Variants in LCOR observed in about 807,000 individuals in gnomAD.
LCOR encodes the protein ligand-dependent corepressor.
LCOR carries 14 observed loss-of-function variants against 64.4 expected under a neutral mutation model. That is an observed-to-expected ratio of 0.22 (90% CI 0.14 to 0.34). The LOEUF (loss-of-function observed/expected upper bound fraction) is 0.34, where lower values mean the gene tolerates loss of function less well. LCOR is among the 10% of genes least tolerant of loss of function. LCOR has a pLI of 1.00. For synonymous variants in LCOR, 643 were observed against 642.5 expected (o/e 1.00, Z -0.01); for missense variants, 1,686 against 1,765.3 (o/e 0.96, Z 0.80).
chr10:96,887,888 C>T (rs1846371379), intron 2 of LCOR, among the ~76,000 whole-genome samples: 1 of 149,828 alleles, frequency 6.7e-6, no homozygotes, highest in South Asian at 2.2e-4. Flanking sequence ...ACCATGTTGG[C>T]CAGGCTGGTC....
At position 96,979,492 on chromosome 10, in the gene LCOR, G is replaced by A. The variant is rs191803856; in HGVS notation, c.333-1301G>A. ...CTTTCACACAGTCCCCACTGTCTGC[G>A]CTAAGCTCTAAGGATTTGTCCTGGG... On this transcript the variant is annotated intron_variant, in intron 7 of 7. Coordinates refer to ENST00000421806, the MANE Select transcript of LCOR (RefSeq NM_001346516.2). Among the ~76,000 whole-genome samples the A allele has an allele frequency of 2.2e-4, 33 of 152,274 alleles. No individual in the cohort carries two copies. In the East Asian group the frequency reaches 5.6e-3, roughly 26 times the overall value.
chr10:96,919,306 A>G (rs1401303118), intron 4 of LCOR, among the ~76,000 whole-genome samples: 4 of 152,112 alleles, frequency 2.6e-5, no homozygotes. Context: ...CTTTCTGCCC[A>G]TGAGTGTAGG....
intron 2 of LCOR, among the ~76,000 whole-genome samples, chr10:96,888,242 G>A (rs1413482809): frequency 1.3e-5 from 2 of 150,872 alleles, no homozygotes; most frequent in African/African-American, 4.9e-5. Context: ...GTGGCCGCCT[G>A]TAATCCCAGC....
chr10:96,975,146 G>A (rs1471931948), intron 7 of LCOR, among the ~76,000 whole-genome samples: 1 of 152,166 alleles, frequency 6.6e-6, no homozygotes, highest in Non-Finnish European at 1.5e-5. Context: ...ACTCCAGCCT[G>A]GGCGACAGAG....
At chr10:96,873,378 C>T (rs572238080) in intron 2 of LCOR, among the ~76,000 whole-genome samples, 2 of 152,174 alleles carry the variant, frequency 1.3e-5, no homozygotes, top group South Asian at 4.1e-4. Context: ...AATTAGTATT[C>T]TAACATTTCT....
intron 5 of LCOR, among the ~76,000 whole-genome samples, chr10:96,944,934 A>G (rs1013341455): frequency 2.0e-5 from 3 of 152,140 alleles, no homozygotes; most frequent in Non-Finnish European, 2.9e-5. Context: ...TTTATTCTTT[A>G]TTCACAAAGC....
intron 2 of LCOR, among the ~76,000 whole-genome samples, chr10:96,889,239 A>T (rs1308712530): frequency 1.3e-5 from 2 of 152,208 alleles, no homozygotes; most frequent in African/African-American, 4.8e-5. Context: ...ATCATACAAT[A>T]TATGGCCTTT....
In LCOR at chr10:96,994,486, T is replaced by A. The variant is rs1361203565; in HGVS notation, c.*9352T>A. The A allele has an allele frequency of 1.3e-5, 2 of 152,216 alleles. No individual in the cohort carries two copies. The highest frequency in any genetic ancestry group is 4.8e-5 in the African/African-American group (2 of 41,454). 9.4% of individuals were successfully genotyped at this position (152,216 alleles called of 1,614,324 possible). ...TAACCATTAATAGAAGTAATGTAGT[T>A]TTTTAGGCTTTTGGAATATGTCTTC... is the stretch of plus-strand genomic sequence containing the variant. On this transcript the variant is annotated 3_prime_UTR_variant, in exon 8 of 8. Transcript: ENST00000421806.
At chr10:96,927,434 C>A (rs1244611510) in intron 4 of LCOR, among the ~76,000 whole-genome samples, 1 of 151,704 alleles carries the variant, frequency 6.6e-6, no homozygotes, top group African/African-American at 2.4e-5. Context: ...TTGTCTTTTT[C>A]TTTGCGTCAT....
rs1355816865 is a variant in LCOR at position 96,983,239 on chromosome 10, A to G, written c.2779A>G (p.Ile927Val). ...DKEVKELRGE[I>V]FPSRDPITTA... ...AGAAGTCAAGGAGTTACGAGGAGAG[A>G]TTTTCCCCAGCAGGGACCCCATAAC... The change falls in exon 8 of 8, where the codon ATT (isoleucine) becomes GTT (valine). Residue 927 changes from isoleucine to valine, a missense_variant. By Grantham distance (29) the Ile-to-Val change is conservative (BLOSUM62 3). Around this residue, in one of 3 missense-constraint regions of LCOR, gnomAD observed 1,293 missense variants for 1,410.4 expected, o/e 0.92. Coordinates refer to ENST00000421806, the MANE Select transcript of LCOR (RefSeq NM_001346516.2). This position sits in a 1 kb window ranked among gnomAD's most constrained non-coding sequence, Gnocchi z 4.5. The G allele has an allele frequency of 6.2e-7, 1 of 1,613,958 alleles. No homozygotes were observed. Among genetic ancestry groups the G allele is most frequent in the African/African-American group, 1.3e-5 (1 of 74,882 alleles).
chr10:96,989,695 A>ATATATATATTTTTT lies in LCOR; in HGVS notation c.*4562_*4563insATATATATTTTTTT, dbSNP rs1371771053. Reference sequence around the variant, plus strand: ...TAAGGATATATATATATATATATATATTTTTTTTTTTTTTTTTTTTTTTTA... The same window carrying ATATATATATTTTTT: ...TAAGGATATATATATATATATATATATATATATATTTTTTTTTTTTTTTTTTTTTTTTTTTTTTA... On this transcript the variant is annotated 3_prime_UTR_variant, in exon 8 of 8. Transcript: ENST00000421806. 10 of 86,158 alleles carry ATATATATATTTTTT rather than the reference A, an allele frequency of 1.2e-4. No individual in the cohort carries two copies. Among genetic ancestry groups the ATATATATATTTTTT allele is most frequent in the East Asian group, 3.8e-4 (1 of 2,600 alleles). 5.3% of individuals were successfully genotyped at this position (86,158 alleles called of 1,614,324 possible). A position where few individuals can be genotyped will look rare whatever the true frequency, so the allele number is the denominator to read the frequency against.
chr10:96,968,931 T>A lies in LCOR; in HGVS notation c.333-11862T>A, dbSNP rs1847972505. The stretch of plus-strand genomic sequence containing the variant: ...GCCTGGGTGACTAAGTAAGAGATCC[T>A]GTCTCCAAAAAAAAAAAAATTCAGC... On this transcript the variant is annotated intron_variant, in intron 7 of 7. Transcript: ENST00000421806. 3.3e-5 allele frequency among the ~76,000 whole-genome samples: 5 copies of A among 149,796 alleles called. No homozygotes were observed. In the South Asian group the frequency reaches 1.1e-3, roughly 34 times the overall value.
rs148017805 is a variant in LCOR at position 96,842,982 on chromosome 10, G to A, written c.-330+9503G>A. Among the ~76,000 whole-genome samples the A allele has an allele frequency of 8.9e-4, 135 of 152,236 alleles. No homozygotes were observed. In the Middle Eastern group the frequency reaches 0.01, roughly 12 times the overall value. On this transcript the variant is annotated intron_variant, in intron 2 of 7. Transcript: ENST00000421806. ...AGTATACATTGTATGTAGAGGAAGC[G>A]AATGTTGAATTTGTTAAATTGAGTC... is the stretch of plus-strand genomic sequence containing the variant.
intron 4 of LCOR, among the ~76,000 whole-genome samples, chr10:96,936,845 T>C (rs2134498723): frequency 6.6e-6 from 1 of 152,328 alleles, no homozygotes; most frequent in African/African-American, 2.4e-5. Context: ...GTTTTTTTCC[T>C]GTACACACAT....
intron 4 of LCOR, among the ~76,000 whole-genome samples, chr10:96,916,587 C>CCATATA (rs375266535): frequency 5.1e-5 from 7 of 138,252 alleles, no homozygotes; most frequent in African/African-American, 1.9e-4. Flanking sequence ...TATTTAAAGG[C>CCATATA]TATATATATA....
rs1848102132 is a variant in LCOR at position 96,982,618 on chromosome 10, C to CTGGGAA, written c.2159_2164dup (p.Gly721_Lys722insMetGly). 1.2e-6 allele frequency: 2 copies of CTGGGAA among 1,614,104 alleles called. No individual in the cohort carries two copies. Among genetic ancestry groups the CTGGGAA allele is most frequent in the African/African-American group, 2.7e-5 (2 of 75,012 alleles). On this transcript the variant is annotated inframe_insertion, in exon 8 of 8. Coordinates refer to ENST00000421806, the MANE Select transcript of LCOR (RefSeq NM_001346516.2). The stretch of plus-strand genomic sequence containing the variant: ...AATGGGCTTGGAGCCCCCCATGAGT[C>CTGGGAA]TGGGAAAGGCTGAGGACAACCAAAG...
intron 2 of LCOR, among the ~76,000 whole-genome samples, chr10:96,844,435 A>G (rs530372979): frequency 6.6e-6 from 1 of 151,986 alleles, no homozygotes; most frequent in South Asian, 2.1e-4. Context: ...CTTTGTTTCT[A>G]ATTACTGATT....
rs1848118199 is a variant in LCOR, at chr10:96,983,791, A to T, written c.3331A>T (p.Ile1111Phe). ...TGCTGAGGAGGAGAACCAAGAGCTC[A>T]TCGCCAACTTCAATGCCCAGTACAT... ...WCAEEENQEL[I>F]ANFNAQYMKV... Residue 1111 changes from isoleucine to phenylalanine, a missense_variant, in exon 8 of 8, where the codon ATC becomes TTC. Coordinates refer to ENST00000421806, the MANE Select transcript of LCOR (RefSeq NM_001346516.2). The surrounding 1 kb of genome is among the most constrained non-coding windows in gnomAD (Gnocchi z 4.5). 1 of 1,614,058 alleles carries T rather than the reference A, an allele frequency of 6.2e-7. No individual in the cohort carries two copies. The highest frequency in any genetic ancestry group is 1.7e-5 in the Admixed American group (1 of 60,012).
intron 2 of LCOR, among the ~76,000 whole-genome samples, chr10:96,901,774 A>G (rs1025789660): frequency 6.6e-6 from 1 of 151,938 alleles, no homozygotes; most frequent in African/African-American, 2.4e-5. Flanking sequence ...CCATCTGTCC[A>G]TCGGTCCACC....
Sources: gnomAD v4.1 joint callset for allele counts (sites outside exome capture counted in the v4.1 genomes callset) on GRCh38, gnomAD v4.1.1 for gene constraint, gnomAD v4.1.1 regional missense constraint, Gnocchi (gnomAD v3.1) non-coding constraint, MANE v1.5 for transcripts, NCBI Gene and HGNC (gene_info 2026-07-23, HGNC 2026-07-21) for gene names.